NAV1: variants seen among roughly 807,000 people sequenced by gnomAD.
NAV1 encodes the protein pore membrane and/or filament interacting like protein 3.
NAV1 carries 18 observed loss-of-function variants against 175.2 expected under a neutral mutation model. That is an observed-to-expected ratio of 0.10 (90% confidence interval 0.07 to 0.15). The LOEUF (loss-of-function observed/expected upper bound fraction) is 0.15, where lower values mean the gene tolerates loss of function less well. NAV1 is among the 10% of genes least tolerant of loss of function. The pLI is 1.00. For missense variants in NAV1, 1,731 were observed against 2,436.6 expected, an observed-to-expected ratio of 0.71 and a Z score of 6.10; for synonymous variants, 897 against 978.7, an observed-to-expected ratio of 0.92 and a Z score of 1.56.
chr1:201,709,006 A>T (rs1671784850), intron 1 of NAV1, among the ~76,000 whole-genome samples: 2 of 152,048 alleles, frequency 1.3e-5, no homozygotes, highest in Admixed American at 1.3e-4. Flanking sequence ...AAAATTAGCC[A>T]GGCGTGATGG....
At chr1:201,815,045 AAAAAAAAAAAAGTT>A (rs1188057283) in intron 28 of NAV1, among the ~76,000 whole-genome samples, 5 of 151,646 alleles carry the variant, frequency 3.3e-5, no homozygotes, top group Non-Finnish European at 7.4e-5. Flanking sequence ...GTCTCAAAAA[AAAAAAAAAAAAGTT>A]AAAAAAAAAA....
intron 1 of NAV1, among the ~76,000 whole-genome samples, chr1:201,707,608 C>A (rs1373256000): frequency 1.3e-5 from 2 of 152,190 alleles, no homozygotes; most frequent in Non-Finnish European, 2.9e-5. Context: ...TCTTGATGAG[C>A]AATTTCGTAG....
At chr1:201,754,532 T>C (rs1674332930) in intron 3 of NAV1, among the ~76,000 whole-genome samples, 1 of 152,170 alleles carries the variant, frequency 6.6e-6, no homozygotes, top group Non-Finnish European at 1.5e-5. Flanking sequence ...GCAGTGGAAA[T>C]GAAAGCCAAG....
intron 1 of NAV1, among the ~76,000 whole-genome samples, chr1:201,552,350 G>A (rs1199695221): frequency 2.0e-5 from 3 of 152,200 alleles, no homozygotes; most frequent in South Asian, 4.1e-4. Context: ...GCAGGGTGGC[G>A]GGGTTGGGGG....
chr1:201,626,063 A>T (rs1446641730), intron 1 of NAV1, among the ~76,000 whole-genome samples: 1 of 152,184 alleles, frequency 6.6e-6, no homozygotes. Context: ...TTAGTTCAAG[A>T]CAGATTTGAG....
intron 1 of NAV1, among the ~76,000 whole-genome samples, chr1:201,565,134 G>C (rs1666314894): frequency 6.6e-6 from 1 of 152,150 alleles, no homozygotes; most frequent in Non-Finnish European, 1.5e-5. Context: ...GCCTACCACA[G>C]AGAACACTAA....
chr1:201,556,955 G>A lies in NAV1; in HGVS notation c.-144+17613G>A, dbSNP rs756468708. Among the ~76,000 whole-genome samples the A allele has an allele frequency of 4.6e-4, 70 of 152,286 alleles. 1 individual carries two copies. The highest frequency in any genetic ancestry group is 8.1e-4 in the Non-Finnish European group (55 of 68,020). On this transcript the variant is annotated intron_variant, in intron 1 of 33. Transcript: ENST00000685211. ...AGCTCAGACCAGTAGACTCGTCTCT[G>A]GTGCAAAGGAGGAAGATGAGTCAGC...
chr1:201,660,611 G>T lies in NAV1; in HGVS notation c.757+11186G>T, dbSNP rs182785118. Among the ~76,000 whole-genome samples, 206 of 152,338 alleles carry T rather than the reference G, an allele frequency of 1.4e-3. 2 individuals carry two copies. Among genetic ancestry groups the T allele is most frequent in the African/African-American group, 4.4e-3 (183 of 41,572 alleles). On this transcript the variant is annotated intron_variant, in intron 1 of 29. Transcript: ENST00000367296. ...TCAGGCATCTTCATCCTGAGGACCC[G>T]TGGGGGACCATTTAACACTCACAGA...
chr1:201,813,672 T>TAAA lies in NAV1; in HGVS notation c.5340+423_5340+425dup, dbSNP rs34738806. Among the ~76,000 whole-genome samples the TAAA allele has an allele frequency of 6.7e-6, 1 of 148,450 alleles. No homozygotes were observed. The highest frequency in any genetic ancestry group is 2.0e-4 in the East Asian group (1 of 5,064). On this transcript the variant is annotated intron_variant, in intron 28 of 29. Coordinates refer to ENST00000367296, the Ensembl canonical transcript of NAV1. The surrounding 1 kb of genome is among the most constrained non-coding windows in gnomAD (Gnocchi z 4.2). ...TGACCTTTTTAAATACCCTCATATG[T>TAAA]AAAAAAAAAAAGGAGACATCACCTT...
rs966884840 is a variant in NAV1, at chr1:201,560,369, A to G, written c.-144+21027A>G. Among the ~76,000 whole-genome samples, 3 of 151,884 alleles carry G rather than the reference A, an allele frequency of 2.0e-5. No individual in the cohort carries two copies. The South Asian group carries it at 6.3e-4, about 32-fold the overall frequency. On this transcript the variant is annotated intron_variant, in intron 1 of 33. Transcript: ENST00000685211. ...GAATCTTCTTCCCTTTGGGTTATGG[A>G]CCCCTTAGCCAGCGCCAGCTTCCCC...
In NAV1 at chr1:201,564,163, C is replaced by A. The variant is rs59588899; in HGVS notation, c.-143-24376C>A. 4.4e-3 allele frequency among the ~76,000 whole-genome samples: 661 copies of A among 148,912 alleles called. 2 individuals carry two copies. Among genetic ancestry groups the A allele is most frequent in the African/African-American group, 0.015 (582 of 39,350 alleles). ...GGAGGAAGAAAGGAAGGAAGGAAGGCAGGCAGGCAGGCAGGCAGGCATCCT... is the reference window on the plus strand; with the variant it reads ...GGAGGAAGAAAGGAAGGAAGGAAGGAAGGCAGGCAGGCAGGCAGGCATCCT... On this transcript the variant is annotated intron_variant, in intron 1 of 33. Transcript: ENST00000685211.
rs1390735884 is a variant in NAV1 at position 201,810,395 on chromosome 1, G to A, written c.4562-128G>A. The A allele has an allele frequency of 1.1e-6, 1 of 924,036 alleles. No homozygotes were observed. The highest frequency in any genetic ancestry group is 1.8e-5 in the South Asian group (1 of 56,988). The allele number at this position is 924,036 out of a possible 1,614,324, so 57.2% of individuals were successfully genotyped here. ...AACTAGGGGTTAAGGGACTCTTATG[G>A]AACCATGGGGCAAGTGGCTCTGAGT... On this transcript the variant is annotated intron_variant, in intron 23 of 29. Coordinates refer to ENST00000367296, the Ensembl canonical transcript of NAV1. This position sits in a 1 kb window ranked among gnomAD's most constrained non-coding sequence, Gnocchi z 6.0.
intron 3 of NAV1, among the ~76,000 whole-genome samples, chr1:201,743,881 C>T (rs965500901): frequency 3.9e-5 from 6 of 152,106 alleles, no homozygotes; most frequent in Non-Finnish European, 8.8e-5. Flanking sequence ...CTTTTTAAAA[C>T]TTAAAAGATG....
chr1:201,652,897 C>G (rs2819386), intron 1 of NAV1, among the ~76,000 whole-genome samples: 4 of 152,128 alleles, frequency 2.6e-5, no homozygotes. Context: ...ACCTCACGTA[C>G]CGAACGTCAC....
upstream of NAV1, among the ~76,000 whole-genome samples, chr1:201,619,152 C>T (rs1668084019): frequency 6.6e-6 from 1 of 152,234 alleles, no homozygotes; most frequent in African/African-American, 2.4e-5. Context: ...AAATCCTCCT[C>T]CCATCGAGCT....
At chr1:201,656,915 G>A (rs1669428356) in intron 1 of NAV1, among the ~76,000 whole-genome samples, 1 of 152,192 alleles carries the variant, frequency 6.6e-6, no homozygotes, top group African/African-American at 2.4e-5. Context: ...CAGACTCTGA[G>A]GACACAGGCC....
At chr1:201,783,481 A>G in exon 7 of NAV1, 1 of 1,614,212 alleles carries the variant, frequency 6.2e-7, no homozygotes, top group South Asian at 1.1e-5. Flanking sequence ...GTCTGGATCT[A>G]CCATCATCCA....
At chr1:201,684,336 A>T (rs956204859) in intron 1 of NAV1, among the ~76,000 whole-genome samples, 1 of 152,104 alleles carries the variant, frequency 6.6e-6, no homozygotes, top group African/African-American at 2.4e-5. Context: ...ATGTATGTAA[A>T]CATAGCTGTC....
In NAV1 at chr1:201,807,034, C is replaced by CTGTGTGTGTG. The variant is rs71713615; in HGVS notation, c.3649-913_3649-904dup. Among the ~76,000 whole-genome samples the CTGTGTGTGTG allele has an allele frequency of 6.6e-6, 1 of 150,756 alleles. No individual in the cohort carries two copies. Among genetic ancestry groups the CTGTGTGTGTG allele is most frequent in the African/African-American group, 2.4e-5 (1 of 40,888 alleles). On this transcript the variant is annotated intron_variant, in intron 17 of 29. Transcript: ENST00000367296. The surrounding 1 kb of genome is among the most constrained non-coding windows in gnomAD (Gnocchi z 5.4). ...TTGCTGCCATTTCATATCTGTGTCCCTGTGTGTGTGTGTGTATGTGTGTGT... is the reference window on the plus strand; with the variant it reads ...TTGCTGCCATTTCATATCTGTGTCCCTGTGTGTGTGTGTGTGTGTGTGTGTATGTGTGTGT...
Sources: allele counts gnomAD v4.1 joint callset (sites outside exome capture counted in the v4.1 genomes callset), GRCh38; gene constraint gnomAD v4.1.1; non-coding constraint Gnocchi (gnomAD v3.1); transcripts MANE v1.5; gene names NCBI Gene and HGNC (gene_info 2026-07-23, HGNC 2026-07-21).